CDKAL1: variants seen among roughly 807,000 people sequenced by gnomAD.
CDKAL1 encodes CDKAL1 threonylcarbamoyladenosine tRNA methylthiotransferase, also known as threonylcarbamoyladenosine tRNA methylthiotransferase.
Under a neutral mutation model 68.2 loss-of-function variants are expected in CDKAL1, and 32 were observed. That is an observed-to-expected ratio of 0.47 (90% CI 0.35 to 0.63). CDKAL1 has a LOEUF of 0.63. CDKAL1 is among the 30% of genes least tolerant of loss of function. The pLI, the probability that CDKAL1 is intolerant of heterozygous loss-of-function variation, is 0.00. For synonymous variants in CDKAL1, 234 were observed against 244.3 expected, an observed-to-expected ratio of 0.96 and a Z score of 0.39; for missense variants, 606 against 696.7, an observed-to-expected ratio of 0.87 and a Z score of 1.47.
intron 13 of CDKAL1, among the ~76,000 whole-genome samples, chr6:21,163,900 A>G (rs6935117): frequency 0.37 from 56,478 of 150,868 alleles, 11,501 homozygotes; most frequent in African/African-American, 0.54. Flanking sequence ...GCAGTAAGCC[A>G]ACATCACACC....
At chr6:21,194,116 C>A (rs1340544662) in intron 13 of CDKAL1, among the ~76,000 whole-genome samples, 1 of 152,128 alleles carries the variant, frequency 6.6e-6, no homozygotes, top group Non-Finnish European at 1.5e-5. Context: ...CTAACTCAGT[C>A]CCTGGAGAAA....
chr6:21,119,448 A>G (rs1384806705), intron 13 of CDKAL1, among the ~76,000 whole-genome samples: 3 of 152,144 alleles, frequency 2.0e-5, no homozygotes, highest in African/African-American at 4.8e-5. Context: ...GATTTTGTCT[A>G]TTTTGTTCAA....
At chr6:20,715,603 C>G (rs1385899101) in intron 5 of CDKAL1, among the ~76,000 whole-genome samples, 1 of 152,118 alleles carries the variant, frequency 6.6e-6, no homozygotes, top group Non-Finnish European at 1.5e-5. Context: ...TATGGTAGTT[C>G]TATTTTTAAT....
intron 12 of CDKAL1, among the ~76,000 whole-genome samples, chr6:21,092,503 T>G (rs1413359301): frequency 1.3e-5 from 2 of 151,726 alleles, no homozygotes; most frequent in Non-Finnish European, 2.9e-5. Context: ...CACTTACGAG[T>G]GAGAACATGT....
At position 20,756,839 on chromosome 6, in the gene CDKAL1, T is replaced by TTC. The variant is rs1774198628; in HGVS notation, c.469-1756_469-1755insTC. ...TCCTTCCTTCCTTCCTTCCTTCCTT[T>TTC]CTTCCTTCCTTCTCCCCTTCCTTCC... On this transcript the variant is annotated intron_variant, in intron 6 of 15. Transcript: ENST00000274695. 5.7e-4 allele frequency: 39 copies of TTC among 68,852 alleles called. 1 individual carries two copies. Among genetic ancestry groups the TTC allele is most frequent in the South Asian group, 3.9e-3 (8 of 2,046 alleles). The allele number at this position is 68,852 out of a possible 1,614,324, so 4.3% of individuals were successfully genotyped here. A position where few individuals can be genotyped will look rare whatever the true frequency, so the allele number is the denominator to read the frequency against.
intron 9 of CDKAL1, 101 bp from the exon 10 acceptor site, chr6:20,955,318 A>C (rs1445703396): frequency 8.3e-7 from 1 of 1,199,680 alleles, no homozygotes; most frequent in African/African-American, 1.5e-5. Context: ...GACTGCCTGA[A>C]TAATAGTGTT....
intron 11 of CDKAL1, among the ~76,000 whole-genome samples, chr6:21,060,673 G>A (rs904335896): frequency 1.3e-5 from 2 of 151,916 alleles, no homozygotes; most frequent in Non-Finnish European, 1.5e-5. Flanking sequence ...CACTGCTTTA[G>A]TTGCATATCA....
chr6:21,044,611 G>A (rs887270107), intron 11 of CDKAL1, among the ~76,000 whole-genome samples: 1 of 152,162 alleles, frequency 6.6e-6, no homozygotes, highest in Admixed American at 6.5e-5. Context: ...TGTTGACATA[G>A]TATAATCATT....
intron 5 of CDKAL1, among the ~76,000 whole-genome samples, chr6:20,693,547 A>G (rs1475699918): frequency 2.0e-5 from 3 of 152,234 alleles, no homozygotes; most frequent in Non-Finnish European, 4.4e-5. Context: ...TTCCAGATAG[A>G]TATGTTTCTT....
rs1023465722 is a variant in CDKAL1 at position 21,231,593 on chromosome 6, A to C, written c.*554A>C. ...AGGCATGCGCCACCAAGCCCAGACA[A>C]TTTTTTTGTGTTTTCAGTAGAGACG... On this transcript the variant is annotated 3_prime_UTR_variant, in exon 16 of 16. Transcript: ENST00000274695. 1 of 151,974 alleles carries C rather than the reference A, an allele frequency of 6.6e-6. No homozygotes were observed. Among genetic ancestry groups the C allele is most frequent in the Non-Finnish European group, 1.5e-5 (1 of 68,066 alleles). The allele number at this position is 151,974 out of a possible 1,614,324, so 9.4% of individuals were successfully genotyped here.
At chr6:21,197,999 T>C in intron 13 of CDKAL1, 22 bp from the exon 14 acceptor site, 2 of 1,505,294 alleles carry the variant, frequency 1.3e-6, no homozygotes, top group Non-Finnish European at 9.1e-7. Context: ...TTTCCTTTCT[T>C]TCCCTCCCCT....
intron 11 of CDKAL1, among the ~76,000 whole-genome samples, chr6:21,064,427 A>G (rs377538336): frequency 6.6e-6 from 1 of 152,252 alleles, no homozygotes; most frequent in African/African-American, 2.4e-5. Flanking sequence ...CTGGTACATT[A>G]TACAATATGT....
At chr6:20,769,970 T>G (rs985712451) in intron 7 of CDKAL1, among the ~76,000 whole-genome samples, 2 of 152,202 alleles carry the variant, frequency 1.3e-5, no homozygotes, top group African/African-American at 2.4e-5. Context: ...TATTATTTTC[T>G]TTTCTGATAC....
chr6:20,665,766 G>A (rs1412072505), intron 5 of CDKAL1, among the ~76,000 whole-genome samples: 10 of 151,786 alleles, frequency 6.6e-5, no homozygotes, highest in Non-Finnish European at 1.2e-4. Flanking sequence ...TATTCCAGGA[G>A]CTACTATATG....
intron 9 of CDKAL1, among the ~76,000 whole-genome samples, chr6:20,946,538 C>A (rs1209436151): frequency 6.6e-6 from 1 of 151,556 alleles, no homozygotes; most frequent in African/African-American, 2.4e-5. Context: ...CCTTTAAATG[C>A]ATTTTCAACT....
chr6:20,820,311 A>G (rs1011887996), intron 8 of CDKAL1, among the ~76,000 whole-genome samples: 1 of 152,132 alleles, frequency 6.6e-6, no homozygotes, highest in African/African-American at 2.4e-5. Flanking sequence ...TGCTCTAATG[A>G]TAGTAAACAC....
chr6:20,661,596 TA>T (rs5874779), intron 5 of CDKAL1, among the ~76,000 whole-genome samples: 2 of 145,446 alleles, frequency 1.4e-5, no homozygotes, highest in African/African-American at 2.6e-5. Flanking sequence ...CTGGTTTACA[TA>T]AAAAAAAACC....
chr6:20,947,427 C>CA (rs1318290695), intron 9 of CDKAL1, among the ~76,000 whole-genome samples: 1 of 151,896 alleles, frequency 6.6e-6, no homozygotes, highest in African/African-American at 2.4e-5. Flanking sequence ...CCTGTCTCTA[C>CA]AAAAAATACA....
chr6:20,585,385 C>G (rs756156522), intron 4 of CDKAL1, among the ~76,000 whole-genome samples: 14 of 152,138 alleles, frequency 9.2e-5, no homozygotes, highest in South Asian at 2.1e-4. Context: ...CATTCTTACT[C>G]TCCAACTTCC....
Sources: allele counts gnomAD v4.1 joint callset (sites outside exome capture counted in the v4.1 genomes callset), GRCh38; gene constraint gnomAD v4.1.1; transcripts MANE v1.5; gene names NCBI Gene and HGNC (gene_info 2026-07-23, HGNC 2026-07-21).